PCDHGA5: variants seen among roughly 807,000 people sequenced by gnomAD.
PCDHGA5 encodes the protein protocadherin gamma subfamily A, 5.
PCDHGA5 carries 36 observed loss-of-function variants against 56.7 expected under a neutral mutation model. That is an observed-to-expected ratio of 0.64 (90% CI 0.49 to 0.84). PCDHGA5 has a LOEUF of 0.84. PCDHGA5 is among the 40% of genes least tolerant of loss of function. The pLI is 0.00. For missense variants in PCDHGA5, 1,305 were observed against 1,201.5 expected (o/e 1.09, Z -1.27); for synonymous variants, 563 against 520.2 (o/e 1.08, Z -1.12).
chr5:141,418,123 C>A (rs1049456676), intron 1 of PCDHGA5: 8 of 1,613,914 alleles, frequency 5.0e-6, no homozygotes, highest in Admixed American at 3.3e-5. Flanking sequence ...TTGTGAAGGA[C>A]CGAATAGACC....
chr5:141,429,488 T>TA (rs748742046), intron 1 of PCDHGA5, among the ~76,000 whole-genome samples: 13 of 152,096 alleles, frequency 8.5e-5, no homozygotes, highest in Non-Finnish European at 1.6e-4. Flanking sequence ...TAGCTGAGAC[T>TA]ACAGTTGCCT....
At chr5:141,483,700 T>C (rs1003495517) in intron 1 of PCDHGA5, among the ~76,000 whole-genome samples, 4 of 152,090 alleles carry the variant, frequency 2.6e-5, no homozygotes, top group Admixed American at 2.6e-4. Context: ...ATTCCTCTTT[T>C]TGACACCAGA....
intron 1 of PCDHGA5, chr5:141,389,813 C>G (rs575968401): frequency 1.3e-5 from 21 of 1,613,846 alleles, no homozygotes; most frequent in South Asian, 2.2e-5. Context: ...TTCTGGTCGC[C>G]GTGCGTGACG....
chr5:141,505,570 C>A, intron 3 of PCDHGA5, 89 bp downstream of exon 3: 1 of 1,598,160 alleles, frequency 6.3e-7, no homozygotes, highest in South Asian at 1.1e-5. Context: ...GACTGGATGT[C>A]AAACCTGTGT....
chr5:141,476,564 C>G lies in PCDHGA5; in HGVS notation c.2422-18243C>G, dbSNP rs2099393821. 1.2e-6 allele frequency: 2 copies of G among 1,614,196 alleles called. No individual in the cohort carries two copies. Among genetic ancestry groups the G allele is most frequent in the South Asian group, 1.1e-5 (1 of 91,086 alleles). ...ATTGGAGATTAGCGAGGCCGTGGCT[C>G]CGGGGACGCGCTTTCCGCTCGAGAG... On this transcript the variant is annotated intron_variant, in intron 1 of 3. Coordinates refer to ENST00000518069, the MANE Select transcript of PCDHGA5 (RefSeq NM_018918.3). This position sits in a 1 kb window ranked among gnomAD's most constrained non-coding sequence, Gnocchi z 7.6.
At chr5:141,375,966 C>A (rs373365863) in intron 1 of PCDHGA5, 4 of 1,613,374 alleles carry the variant, frequency 2.5e-6, no homozygotes, top group Non-Finnish European at 2.5e-6. Context: ...GAGGTGCGCA[C>A]GGCGCGCGCC....
At chr5:141,403,890 C>A in intron 1 of PCDHGA5, 1 of 1,613,714 alleles carries the variant, frequency 6.2e-7, no homozygotes, top group Non-Finnish European at 8.5e-7. Flanking sequence ...GAAGAATGTT[C>A]ATTTTATGAA....
chr5:141,473,117 C>A (rs976493841), intron 1 of PCDHGA5, among the ~76,000 whole-genome samples: 4 of 152,140 alleles, frequency 2.6e-5, no homozygotes, highest in Admixed American at 1.3e-4. Flanking sequence ...CTTTACTTGG[C>A]TCTTTGGCAA....
rs1330713312 is a variant in PCDHGA5 at position 141,414,559 on chromosome 5, T to G, written c.2421+47808T>G. The stretch of plus-strand genomic sequence containing the variant: ...ACCTACCTTCTCTCAAGTCTCCTAC[T>G]TTACCTATATCCCAGAGAACAACGC... On this transcript the variant is annotated intron_variant, in intron 1 of 3. Coordinates refer to ENST00000518069, the MANE Select transcript of PCDHGA5 (RefSeq NM_018918.3). 5.0e-6 allele frequency: 8 copies of G among 1,613,782 alleles called. No homozygotes were observed. The Admixed American group carries it at 1.0e-4, about 20-fold the overall frequency.
At chr5:141,399,808 C>A in intron 1 of PCDHGA5, 1 of 1,613,208 alleles carries the variant, frequency 6.2e-7, no homozygotes, top group Non-Finnish European at 8.5e-7. Flanking sequence ...GGTGCTGTAC[C>A]CCGCGCTGGG....
chr5:141,460,726 A>G lies in PCDHGA5; in HGVS notation c.2422-34081A>G, dbSNP rs545089217. ...GAGAATAAACTATTGTTATAAGCAT[A>G]TATACACATTGTATATATATGTGTA... On this transcript the variant is annotated intron_variant, in intron 1 of 3. Coordinates refer to ENST00000518069, the MANE Select transcript of PCDHGA5 (RefSeq NM_018918.3). Among the ~76,000 whole-genome samples the G allele has an allele frequency of 6.6e-5, 10 of 152,252 alleles. No homozygotes were observed. In the East Asian group the frequency reaches 1.9e-3, roughly 29 times the overall value.
Position 141,511,040 on chromosome 5 carries a change from C to T in PCDHGA5, c.2663C>T (p.Pro888Leu), listed in dbSNP as rs770767470. The T allele has an allele frequency of 6.2e-7, 1 of 1,614,216 alleles. No individual in the cohort carries two copies. The highest frequency in any genetic ancestry group is 1.7e-5 in the Admixed American group (1 of 60,034). Reference protein sequence around the residue: ...YGPQFTLQHVPDYRQNVYIPG... With the variant: ...YGPQFTLQHVLDYRQNVYIPG... ...CCCCAGTTCACCCTGCAGCACGTGC[C>T]CGACTACCGCCAGAATGTCTACATC... Residue 888 changes from proline (P) to leucine (L), a missense_variant, in exon 4 of 4, where the codon CCC becomes CTC. Physicochemically the swap from Pro to Leu is moderately conservative, Grantham distance 98. Transcript: ENST00000518069.
chr5:141,413,533 C>T (rs777022301), intron 1 of PCDHGA5: 1 of 1,613,934 alleles, frequency 6.2e-7, no homozygotes, highest in Admixed American at 1.7e-5. Context: ...CAGGGTGAAA[C>T]TTTTTGGGAT....
intron 1 of PCDHGA5, chr5:141,414,787 G>T (rs372484037): frequency 6.2e-7 from 1 of 1,614,230 alleles, no homozygotes; most frequent in Admixed American, 1.7e-5. Context: ...GCAGGTGACA[G>T]CCAGCGACAG....
intron 1 of PCDHGA5, chr5:141,427,894 C>T (rs974220302): frequency 1.3e-6 from 2 of 1,568,222 alleles, no homozygotes; most frequent in East Asian, 2.2e-5. Flanking sequence ...GACCAGGGCT[C>T]GCCCGCGCTC....
intron 1 of PCDHGA5, chr5:141,387,572 T>G: frequency 2.1e-6 from 1 of 480,808 alleles, no homozygotes; most frequent in South Asian, 3.5e-5. Context: ...CAATTATAAT[T>G]ATTGCACTGG....
intron 1 of PCDHGA5, among the ~76,000 whole-genome samples, chr5:141,435,367 A>C (rs2097758993): frequency 1.3e-5 from 2 of 152,194 alleles, no homozygotes; most frequent in African/African-American, 4.8e-5. Flanking sequence ...TTTATCACTT[A>C]AATATACAAT....
chr5:141,431,126 G>A lies in PCDHGA5; in HGVS notation c.2422-63681G>A, dbSNP rs2097344901. The A allele has an allele frequency of 2.5e-6, 4 of 1,614,114 alleles. No individual in the cohort carries two copies. Among genetic ancestry groups the A allele is most frequent in the Non-Finnish European group, 3.4e-6 (4 of 1,180,038 alleles). On this transcript the variant is annotated intron_variant, in intron 1 of 3. Coordinates refer to ENST00000518069, the MANE Select transcript of PCDHGA5 (RefSeq NM_018918.3). The surrounding 1 kb of genome is among the most constrained non-coding windows in gnomAD (Gnocchi z 4.8). ...GAAAATATATGGAGTAGAAGTAGAA[G>A]TAAGGGACATTAACGACAATGCGCC... is the stretch of plus-strand genomic sequence containing the variant.
intron 1 of PCDHGA5, chr5:141,478,489 C>G (rs779457709): frequency 5.6e-6 from 9 of 1,613,162 alleles, no homozygotes; most frequent in Middle Eastern, 1.6e-4. Flanking sequence ...CGCTGCGGAG[C>G]TGTGATCCGG....
Sources: allele counts gnomAD v4.1 joint callset (sites outside exome capture counted in the v4.1 genomes callset), GRCh38; gene constraint gnomAD v4.1.1; non-coding constraint Gnocchi (gnomAD v3.1); transcripts MANE v1.5; gene names NCBI Gene and HGNC (gene_info 2026-07-23, HGNC 2026-07-21).